The following SHOC1 variants were observed in gnomAD, a reference collection of about 807,000 sequenced individuals.
SHOC1 encodes protein shortage in chiasmata 1 ortholog.
Under a neutral mutation model 179.2 loss-of-function variants are expected in SHOC1, and 136 were observed. The observed-to-expected ratio is 0.76, with a 90% CI of 0.66 to 0.87. The LOEUF is 0.87. Among genes scored for constraint, SHOC1 ranks in the 40% least tolerant of loss-of-function variants. The pLI, the probability that SHOC1 is intolerant of heterozygous loss-of-function variation, is 0.00. For missense variants in SHOC1, 1,538 were observed against 1,700.8 expected (o/e 0.90, Z 1.68); for synonymous variants, 489 against 586.6 (o/e 0.83, Z 2.41).
At position 111,727,989 on chromosome 9, in the gene SHOC1, T is replaced by A. The variant is rs369980085; in HGVS notation, c.1478A>T (p.Asn493Ile). The change falls in exon 13 of 28, where the codon AAT becomes ATT. Residue 493 changes from asparagine to isoleucine, a missense_variant. Coordinates refer to ENST00000682961, the MANE Select transcript of SHOC1 (RefSeq NM_001378211.1). ...PIALIDEKST[N>I]AHLSLPQKSP... Reference sequence around the variant, plus strand: ...CTTTTGTGGAAGTGATAAATGAGCATTTGTAGATTTTTCATCAATAAGTGC... The same window carrying A: ...CTTTTGTGGAAGTGATAAATGAGCAATTGTAGATTTTTCATCAATAAGTGC... 11 of 1,608,082 alleles carry A rather than the reference T, an allele frequency of 6.8e-6. No homozygotes were observed. In the African/African-American group the frequency reaches 1.5e-4, roughly 22 times the overall value.
intron 5 of SHOC1, chr9:111,759,100 G>C: frequency 6.6e-7 from 1 of 1,518,896 alleles, no homozygotes; most frequent in Non-Finnish European, 8.9e-7. Flanking sequence ...AGCTGTAACG[G>C]CTAATACTTT....
intron 25 of SHOC1, 114 bp downstream of exon 25, chr9:111,694,117 A>G: frequency 8.5e-7 from 1 of 1,174,496 alleles, no homozygotes; most frequent in Non-Finnish European, 1.2e-6. Context: ...TTGTTATTGC[A>G]CCTACCACTC....
chr9:111,752,569 T>C (rs1003251964), intron 8 of SHOC1, among the ~76,000 whole-genome samples: 4 of 152,196 alleles, frequency 2.6e-5, no homozygotes, highest in African/African-American at 9.7e-5. Context: ...AACAGGAACA[T>C]GTGACTCATT....
At chr9:111,730,530 T>G (rs943495508) in intron 12 of SHOC1, among the ~76,000 whole-genome samples, 2 of 152,212 alleles carry the variant, frequency 1.3e-5, no homozygotes, top group Non-Finnish European at 2.9e-5. Flanking sequence ...AATGACCAGG[T>G]ATGCTGTCAA....
chr9:111,730,434 T>C (rs1027527558), intron 12 of SHOC1, among the ~76,000 whole-genome samples: 2 of 152,234 alleles, frequency 1.3e-5, no homozygotes, highest in Non-Finnish European at 2.9e-5. Flanking sequence ...AAATGACTCC[T>C]TGATCCATGG....
chr9:111,746,194 C>T, intron 10 of SHOC1, 40 bp downstream of exon 10: 3 of 1,333,196 alleles, frequency 2.3e-6, no homozygotes, highest in South Asian at 1.2e-5. Flanking sequence ...ACTGCTTGTT[C>T]TGAATTGCAA....
In SHOC1 at chr9:111,786,018, C is replaced by A; in HGVS notation, c.63G>T (p.Lys21Asn). ...GAAGCAATAAAGCATCTCTGTAAAA[C>A]TTCTTTCTAACCACATTCTGTGGAA... ...DYLYENVVRK[K>N]FYRDALLLRI... The change falls in exon 3 of 28, where the codon AAG becomes AAT. Residue 21 changes from lysine to asparagine, a missense_variant. Physicochemically the swap from Lys to Asn is moderately conservative, Grantham distance 94 (BLOSUM62 0). Coordinates refer to ENST00000682961, the MANE Select transcript of SHOC1 (RefSeq NM_001378211.1). 1 of 1,499,676 alleles carries A rather than the reference C, an allele frequency of 6.7e-7. No homozygotes were observed. The highest frequency in any genetic ancestry group is 8.9e-7 in the Non-Finnish European group (1 of 1,126,568). 92.9% of individuals were successfully genotyped at this position (1,499,676 alleles called of 1,614,324 possible). A position where few individuals can be genotyped will look rare whatever the true frequency, so the allele number is the denominator to read the frequency against.
intron 16 of SHOC1, 76 bp from the exon 17 acceptor site, chr9:111,714,699 GAAAAT>G: frequency 7.9e-7 from 1 of 1,264,898 alleles, no homozygotes; most frequent in Non-Finnish European, 1.1e-6. Flanking sequence ...AAGGCTTAAA[GAAAAT>G]AAGTCAAAGC....
chr9:111,752,812 C>G (rs1481357334), intron 8 of SHOC1, among the ~76,000 whole-genome samples: 3 of 152,078 alleles, frequency 2.0e-5, no homozygotes, highest in Non-Finnish European at 4.4e-5. Context: ...AAAAAATTCA[C>G]TGAATGAGCT....
At chr9:111,793,649 T>TGGTTAGAG (rs1836522281) in intron 1 of SHOC1, among the ~76,000 whole-genome samples, 1 of 151,324 alleles carries the variant, frequency 6.6e-6, no homozygotes, top group Non-Finnish European at 1.5e-5. Flanking sequence ...AATTTAAAAT[T>TGGTTAGAG]ATCAAGTTTT....
At chr9:111,727,427 C>T (rs1200260219) in intron 13 of SHOC1, among the ~76,000 whole-genome samples, 1 of 152,108 alleles carries the variant, frequency 6.6e-6, no homozygotes, top group Non-Finnish European at 1.5e-5. Context: ...CTTTTTGAAA[C>T]ATATGTATCT....
At chr9:111,733,958 G>A (rs148119751) in intron 12 of SHOC1, among the ~76,000 whole-genome samples, 1 of 152,172 alleles carries the variant, frequency 6.6e-6, no homozygotes, top group Non-Finnish European at 1.5e-5. Flanking sequence ...TTCTCTAGTG[G>A]TAATCTGGTA....
chr9:111,727,431 T>C (rs1276868804), intron 13 of SHOC1, among the ~76,000 whole-genome samples: 4 of 152,204 alleles, frequency 2.6e-5, no homozygotes, highest in Non-Finnish European at 5.9e-5. Context: ...TTGAAACATA[T>C]GTATCTGTAT....
At chr9:111,696,272 A>G (rs1018555) in intron 24 of SHOC1, among the ~76,000 whole-genome samples, 102,254 of 152,084 alleles carry the variant, frequency 0.67, 35,735 homozygotes, top group East Asian at 0.91. Flanking sequence ...TTGATTTTCA[A>G]GTTCTTCAGA....
At chr9:111,741,828 C>T (rs1389399989) in intron 10 of SHOC1, among the ~76,000 whole-genome samples, 1 of 152,026 alleles carries the variant, frequency 6.6e-6, no homozygotes, top group East Asian at 1.9e-4. Context: ...GGCGGGGTTT[C>T]ACCATGTGGG....
chr9:111,745,659 G>C (rs747750939), intron 10 of SHOC1, among the ~76,000 whole-genome samples: 77 of 152,224 alleles, frequency 5.1e-4, no homozygotes, highest in Non-Finnish European at 9.3e-4. Context: ...AAACCAACCC[G>C]GCTGACACTT....
intron 8 of SHOC1, among the ~76,000 whole-genome samples, 172 bp downstream of exon 8, chr9:111,756,153 A>C (rs1459699735): frequency 6.6e-6 from 1 of 152,190 alleles, no homozygotes; most frequent in Admixed American, 6.5e-5. Context: ...CAACAAGAAA[A>C]TGACAATGAG....
chr9:111,759,513 T>C (rs769129365), intron 5 of SHOC1: 15 of 1,210,674 alleles, frequency 1.2e-5, no homozygotes, highest in African/African-American at 4.7e-5. Context: ...TGGGTTTCTT[T>C]AGAATCTTGG....
intron 2 of SHOC1, among the ~76,000 whole-genome samples, chr9:111,788,385 G>A (rs1282691816): frequency 1.3e-5 from 2 of 152,072 alleles, no homozygotes; most frequent in African/African-American, 2.4e-5. Context: ...GATCTCAGGT[G>A]ATCTGCCCGC....
Sources: gnomAD v4.1 joint callset for allele counts (sites outside exome capture counted in the v4.1 genomes callset) on GRCh38, gnomAD v4.1.1 for gene constraint, MANE v1.5 for transcripts, NCBI Gene and HGNC (gene_info 2026-07-23, HGNC 2026-07-21) for gene names.